The following CTNNA2 variants were observed in gnomAD, a reference collection of about 807,000 sequenced individuals.
CTNNA2 encodes the protein catenin alpha 2.
CTNNA2 carries 42 observed loss-of-function variants against 101.0 expected under a neutral mutation model. That is an observed-to-expected ratio of 0.42 (90% CI 0.32 to 0.54). The LOEUF (loss-of-function observed/expected upper bound fraction) is 0.54, where lower values mean the gene tolerates loss of function less well. Ranked by LOEUF, CTNNA2 falls within the 20% of genes least tolerant of loss-of-function variation. The pLI, the probability that CTNNA2 is intolerant of heterozygous loss-of-function variation, is 0.14. For missense variants in CTNNA2, 871 were observed against 1,223.1 expected (o/e 0.71, Z 4.29); for synonymous variants, 450 against 456.4 (o/e 0.99, Z 0.18).
chr2:79,613,177 A>AG (rs397824344), intron 1 of CTNNA2, among the ~76,000 whole-genome samples: 10 of 151,418 alleles, frequency 6.6e-5, no homozygotes, highest in African/African-American at 2.4e-4. Flanking sequence ...AAAAAAAAAA[A>AG]CGATGTTTGT....
At chr2:79,565,365 C>A (rs1675045509) in intron 1 of CTNNA2, among the ~76,000 whole-genome samples, 1 of 152,058 alleles carries the variant, frequency 6.6e-6, no homozygotes, top group South Asian at 2.1e-4. Context: ...GACTCCTCCC[C>A]ACTGCAAATG....
chr2:80,494,624 G>A (rs978262348), intron 9 of CTNNA2, among the ~76,000 whole-genome samples: 1 of 134,834 alleles, frequency 7.4e-6, no homozygotes, highest in Non-Finnish European at 1.7e-5. Flanking sequence ...ATGTGGAAAA[G>A]AGATTAGAAT....
At chr2:80,404,459 T>G (rs1386797487) in intron 8 of CTNNA2, among the ~76,000 whole-genome samples, 6 of 152,200 alleles carry the variant, frequency 3.9e-5, no homozygotes, top group African/African-American at 1.4e-4. Context: ...TCTTCTTAAC[T>G]TGAATAAGGT....
chr2:79,724,421 T>C (rs1486051638), intron 2 of CTNNA2, among the ~76,000 whole-genome samples: 2 of 152,104 alleles, frequency 1.3e-5, no homozygotes, highest in Non-Finnish European at 2.9e-5. Context: ...GGAACCTTCA[T>C]GAACAACAGG....
chr2:80,388,442 C>A (rs1024882424), intron 7 of CTNNA2, among the ~76,000 whole-genome samples: 17 of 152,216 alleles, frequency 1.1e-4, no homozygotes, highest in Non-Finnish European at 1.8e-4. Flanking sequence ...CTTCAACTGC[C>A]TGTCAATTCC....
At chr2:80,382,750 A>C (rs1474376825) in intron 7 of CTNNA2, among the ~76,000 whole-genome samples, 1 of 152,222 alleles carries the variant, frequency 6.6e-6, no homozygotes, top group Non-Finnish European at 1.5e-5. Flanking sequence ...ATTCTCAGCA[A>C]TGTGGACCCA....
At chr2:79,834,378 C>T (rs1010783545) in intron 3 of CTNNA2, among the ~76,000 whole-genome samples, 5 of 152,048 alleles carry the variant, frequency 3.3e-5, no homozygotes, top group African/African-American at 1.2e-4. Context: ...TAACCATGTA[C>T]ACTCCTCCCA....
Position 79,457,490 on chromosome 2 carries a change from TG to T in CTNNA2, c.-134-47557del, listed in dbSNP as rs557934511. Among the ~76,000 whole-genome samples, 15 of 152,114 alleles carry T rather than the reference TG, an allele frequency of 9.9e-5. No individual in the cohort carries two copies. In the East Asian group the frequency reaches 1.9e-3, roughly 20 times the overall value. On this transcript the variant is annotated intron_variant, in intron 4 of 21. Coordinates refer to the CTNNA2 transcript ENST00000466387. ...ATGATTATAAATATAAGTGGGTCAT[TG>T]GGGGGGAAATAAAATGTTAATTCCA...
intron 3 of CTNNA2, among the ~76,000 whole-genome samples, chr2:79,793,890 A>G (rs1301294515): frequency 1.4e-5 from 2 of 143,934 alleles, no homozygotes; most frequent in Non-Finnish European, 3.0e-5. Flanking sequence ...ACACTCATGC[A>G]CACACACACA....
chr2:80,458,168 G>A (rs963692017), intron 9 of CTNNA2, among the ~76,000 whole-genome samples: 4 of 151,942 alleles, frequency 2.6e-5, no homozygotes, highest in South Asian at 2.1e-4. Flanking sequence ...ATAAACCTTC[G>A]ATTTTTTTTT....
chr2:79,750,440 C>T (rs547311039), intron 3 of CTNNA2, among the ~76,000 whole-genome samples: 67 of 152,328 alleles, frequency 4.4e-4, no homozygotes, highest in Non-Finnish European at 8.7e-4. Context: ...GTGGACTAAT[C>T]CCTTTCTTGC....
chr2:79,907,525 T>C (rs1412693168), intron 6 of CTNNA2, among the ~76,000 whole-genome samples: 1 of 152,124 alleles, frequency 6.6e-6, no homozygotes, highest in Non-Finnish European at 1.5e-5. Context: ...CAGCTTTCCT[T>C]TGGGACTTTC....
chr2:79,393,937 C>T lies in CTNNA2; in HGVS notation c.-135+19924C>T, dbSNP rs1193885093. ...TCAGGGTCATTTAGCTCCTCCTGGC[C>T]CCAGTTCTAACAAAGAGGCCACTGA... On this transcript the variant is annotated intron_variant, in intron 4 of 21. Transcript: ENST00000466387. 2.0e-5 allele frequency among the ~76,000 whole-genome samples: 3 copies of T among 152,068 alleles called. No homozygotes were observed. The East Asian group carries it at 5.8e-4, about 29-fold the overall frequency.
intron 12 of CTNNA2, among the ~76,000 whole-genome samples, chr2:80,570,832 C>T (rs1320810232): frequency 6.6e-6 from 1 of 152,028 alleles, no homozygotes. Flanking sequence ...AAAATCCTAC[C>T]ATCCAAATCT....
intron 18 of CTNNA2, among the ~76,000 whole-genome samples, chr2:80,619,555 G>C (rs1670890454): frequency 6.6e-6 from 1 of 151,840 alleles, no homozygotes; most frequent in South Asian, 2.1e-4. Context: ...ACTAAGGAAG[G>C]GTAGTCAGAA....
rs1674151842 is a variant in CTNNA2, at chr2:80,646,874, C to G, written c.2575-711C>G. On this transcript the variant is annotated intron_variant, in intron 18 of 18. Transcript: ENST00000402739. ...TACTGGACCTCTGCATGTATCAGCTCTCTCATTCTAAAAGGGCATGACGAT... is the reference window on the plus strand; with the variant it reads ...TACTGGACCTCTGCATGTATCAGCTGTCTCATTCTAAAAGGGCATGACGAT... 5.9e-5 allele frequency among the ~76,000 whole-genome samples: 9 copies of G among 152,108 alleles called. No individual in the cohort carries two copies. In the South Asian group the frequency reaches 1.9e-3, roughly 32 times the overall value.
At chr2:79,944,687 C>G (rs1452836406) in intron 7 of CTNNA2, among the ~76,000 whole-genome samples, 1 of 152,078 alleles carries the variant, frequency 6.6e-6, no homozygotes, top group Non-Finnish European at 1.5e-5. Context: ...TGAAATATAC[C>G]AACATCTAAG....
intron 7 of CTNNA2, among the ~76,000 whole-genome samples, chr2:80,054,873 C>T (rs1242452555): frequency 6.6e-6 from 1 of 152,064 alleles, no homozygotes; most frequent in Non-Finnish European, 1.5e-5. Context: ...CATGGCTCAC[C>T]TGAAATATCT....
intron 7 of CTNNA2, among the ~76,000 whole-genome samples, chr2:80,389,370 CT>C (rs761192745): frequency 1.5e-4 from 23 of 152,072 alleles, no homozygotes; most frequent in Non-Finnish European, 8.8e-5. Flanking sequence ...ATCATGGAGG[CT>C]AATAATAGGG....
Sources: gnomAD v4.1 joint callset for allele counts (sites outside exome capture counted in the v4.1 genomes callset) on GRCh38, gnomAD v4.1.1 for gene constraint, MANE v1.5 for transcripts, NCBI Gene and HGNC (gene_info 2026-07-23, HGNC 2026-07-21) for gene names.